SLCO3A1: variants seen among roughly 807,000 people sequenced by gnomAD.
The protein encoded by SLCO3A1 is PGE1 transporter.
A neutral mutation model predicts 63.1 loss-of-function variants in SLCO3A1; 27 were observed. The observed-to-expected ratio is 0.43, with a 90% CI of 0.32 to 0.59. The LOEUF (loss-of-function observed/expected upper bound fraction) is 0.59. Among genes scored for constraint, SLCO3A1 ranks in the 20% least tolerant of loss-of-function variants. The pLI is 0.09. For synonymous variants in SLCO3A1, 473 were observed against 409.9 expected (o/e 1.15, Z -1.86); for missense variants, 773 against 945.8 (o/e 0.82, Z 2.40).
chr15:92,048,618 G>C (rs1035068573), intron 2 of SLCO3A1, among the ~76,000 whole-genome samples: 11 of 152,128 alleles, frequency 7.2e-5, no homozygotes, highest in African/African-American at 2.4e-4. Flanking sequence ...CTGCTGGGGA[G>C]GTAACCCGTC....
intron 2 of SLCO3A1, among the ~76,000 whole-genome samples, chr15:91,960,558 G>A (rs77434403): frequency 5.3e-4 from 81 of 152,098 alleles, no homozygotes; most frequent in Non-Finnish European, 9.3e-4. Flanking sequence ...TCCTAAACTC[G>A]TTCCTTTCAA....
chr15:91,876,745 T>C (rs1897410084), intron 1 of SLCO3A1, among the ~76,000 whole-genome samples: 1 of 152,200 alleles, frequency 6.6e-6, no homozygotes, highest in African/African-American at 2.4e-5. Flanking sequence ...GTCCACTGAG[T>C]AGGCCTGCTT....
intron 1 of SLCO3A1, among the ~76,000 whole-genome samples, chr15:91,889,506 T>A (rs1048400977): frequency 1.3e-5 from 2 of 152,262 alleles, no homozygotes; most frequent in Admixed American, 1.3e-4. Context: ...GTTCTATGAA[T>A]TGACTGATCT....
chr15:92,107,892 C>T (rs2047685026), intron 4 of SLCO3A1, among the ~76,000 whole-genome samples: 2 of 152,244 alleles, frequency 1.3e-5, no homozygotes, highest in South Asian at 2.1e-4. Context: ...CACTTAACTC[C>T]TCTCAGCTTT....
At chr15:91,945,771 A>T (rs1049927934) in intron 2 of SLCO3A1, among the ~76,000 whole-genome samples, 1 of 152,170 alleles carries the variant, frequency 6.6e-6, no homozygotes, top group Non-Finnish European at 1.5e-5. Flanking sequence ...TACTGTGCTA[A>T]TGGGTCTGGG....
chr15:91,873,755 G>C (rs1003451967), intron 1 of SLCO3A1, among the ~76,000 whole-genome samples: 2 of 152,020 alleles, frequency 1.3e-5, no homozygotes, highest in African/African-American at 4.8e-5. Context: ...CTACATATCA[G>C]ATTTCTCCAA....
intron 2 of SLCO3A1, among the ~76,000 whole-genome samples, chr15:92,063,719 G>A (rs185335643): frequency 7.9e-5 from 12 of 152,192 alleles, no homozygotes; most frequent in South Asian, 6.2e-4. Flanking sequence ...GCATGGTGGC[G>A]CGTACCTGTA....
chr15:92,058,590 C>T (rs1208157399), intron 2 of SLCO3A1, among the ~76,000 whole-genome samples: 4 of 152,162 alleles, frequency 2.6e-5, no homozygotes, highest in African/African-American at 7.2e-5. Flanking sequence ...CGTAGGGACA[C>T]CTAGTGTTCT....
chr15:92,057,075 A>G (rs1043120507), intron 2 of SLCO3A1, among the ~76,000 whole-genome samples: 1 of 152,220 alleles, frequency 6.6e-6, no homozygotes, highest in Non-Finnish European at 1.5e-5. Flanking sequence ...CTTCTGGGCT[A>G]TCAGAGCACC....
chr15:92,005,113 T>C (rs1843819666), intron 2 of SLCO3A1, among the ~76,000 whole-genome samples: 1 of 152,244 alleles, frequency 6.6e-6, no homozygotes, highest in Non-Finnish European at 1.5e-5. Context: ...AATTAAATAA[T>C]TAGTTCAGTC....
intron 2 of SLCO3A1, among the ~76,000 whole-genome samples, chr15:92,022,943 T>A (rs893320968): frequency 2.6e-5 from 4 of 151,268 alleles, no homozygotes; most frequent in Admixed American, 2.6e-4. Context: ...AGTCAGGGAG[T>A]CGTGGGATTC....
Position 92,053,071 on chromosome 15 carries a change from G to A in SLCO3A1, c.647-41810G>A, listed in dbSNP as rs114372549. On this transcript the variant is annotated intron_variant, in intron 2 of 9. Coordinates refer to ENST00000318445, the MANE Select transcript of SLCO3A1 (RefSeq NM_013272.4). ...AGATGTTTTAAGGCATGTATCTTATGCCCCTAAGTTTTTCTGGACATTTAT... is the reference window on the plus strand; with the variant it reads ...AGATGTTTTAAGGCATGTATCTTATACCCCTAAGTTTTTCTGGACATTTAT... Among the ~76,000 whole-genome samples the A allele has an allele frequency of 7.9e-3, 1,199 of 152,212 alleles. 13 individuals are homozygous for A. The highest frequency in any genetic ancestry group is 0.027 in the African/African-American group (1,137 of 41,510).
At chr15:92,091,334 G>A (rs1039103562) in intron 2 of SLCO3A1, among the ~76,000 whole-genome samples, 5 of 152,306 alleles carry the variant, frequency 3.3e-5, no homozygotes, top group Middle Eastern at 3.4e-3. Flanking sequence ...GCACCGGGCC[G>A]CTGCAGAAGG....
intron 9 of SLCO3A1, among the ~76,000 whole-genome samples, chr15:92,152,684 T>G (rs965050488): frequency 6.6e-6 from 1 of 152,226 alleles, no homozygotes; most frequent in African/African-American, 2.4e-5. Context: ...TGTGTAATAT[T>G]AACTGGCACA....
intron 2 of SLCO3A1, among the ~76,000 whole-genome samples, chr15:92,059,162 C>T (rs2047056304): frequency 6.6e-6 from 1 of 152,186 alleles, no homozygotes; most frequent in Admixed American, 6.5e-5. Context: ...TCCATCTCCA[C>T]CCTCTCTTAC....
intron 6 of SLCO3A1, among the ~76,000 whole-genome samples, chr15:92,126,962 T>C (rs1441902052): frequency 6.6e-6 from 1 of 152,168 alleles, no homozygotes; most frequent in African/African-American, 2.4e-5. Context: ...AGTTTCTCTC[T>C]CTAGAGCCAG....
chr15:92,063,904 G>C (rs2047117290), intron 2 of SLCO3A1, among the ~76,000 whole-genome samples: 1 of 152,148 alleles, frequency 6.6e-6, no homozygotes, highest in Admixed American at 6.5e-5. Context: ...TTTTATTGTT[G>C]TTGTTCTTTT....
chr15:91,902,015 T>C (rs1216088711), intron 1 of SLCO3A1, among the ~76,000 whole-genome samples: 1 of 152,190 alleles, frequency 6.6e-6, no homozygotes, highest in African/African-American at 2.4e-5. Flanking sequence ...TTTTCTTCTC[T>C]GTGGTTCAGA....
intron 1 of SLCO3A1, among the ~76,000 whole-genome samples, chr15:91,864,246 T>G (rs567514932): frequency 6.6e-6 from 1 of 152,322 alleles, no homozygotes; most frequent in South Asian, 2.1e-4. Flanking sequence ...ATCTCTGCAT[T>G]CATTGCTTTC....
Sources: allele counts gnomAD v4.1 joint callset (sites outside exome capture counted in the v4.1 genomes callset), GRCh38; gene constraint gnomAD v4.1.1; transcripts MANE v1.5; gene names NCBI Gene and HGNC (gene_info 2026-07-23, HGNC 2026-07-21).